PCDH15: variants seen among roughly 807,000 people sequenced by gnomAD.
The protein encoded by PCDH15 is protocadherin related 15, also known as protocadherin-15.
Under a neutral mutation model 178.5 loss-of-function variants are expected in PCDH15, and 129 were observed. The ratio of observed to expected loss-of-function variants is 0.72; its 90% CI spans 0.63 to 0.84. PCDH15 has a LOEUF of 0.84. PCDH15 is among the 40% of genes least tolerant of loss of function. The pLI is 0.00. For synonymous variants in PCDH15, 800 were observed against 732.0 expected, an observed-to-expected ratio of 1.09 and a Z score of -1.50; for missense variants, 2,230 against 2,099.9, an observed-to-expected ratio of 1.06 and a Z score of -1.21.
intron 26 of PCDH15, among the ~76,000 whole-genome samples, chr10:53,879,306 T>G (rs1189025868): frequency 6.6e-6 from 1 of 152,164 alleles, no homozygotes; most frequent in African/African-American, 2.4e-5. Context: ...TGATGTCTCT[T>G]TACTGAATGC....
At chr10:54,659,474 C>T (rs74642075) in intron 2 of PCDH15, among the ~76,000 whole-genome samples, 10,058 of 152,054 alleles carry the variant, frequency 0.066, 415 homozygotes, top group East Asian at 0.15. Context: ...ATATATCAGC[C>T]GGGTGCAGTG....
intron 1 of PCDH15, among the ~76,000 whole-genome samples, chr10:54,723,805 T>A (rs757667472): frequency 1.3e-5 from 2 of 151,662 alleles, no homozygotes; most frequent in African/African-American, 2.4e-5. Flanking sequence ...ACATCAGTAA[T>A]CATCAGAGAA....
At chr10:54,588,766 G>T (rs1398977130) in intron 2 of PCDH15, among the ~76,000 whole-genome samples, 1 of 152,004 alleles carries the variant, frequency 6.6e-6, no homozygotes, top group East Asian at 1.9e-4. Flanking sequence ...TAAAGACACG[G>T]TCTGACTATG....
chr10:55,290,291 T>G (rs1378276713), intron 1 of PCDH15, among the ~76,000 whole-genome samples: 2 of 151,984 alleles, frequency 1.3e-5, no homozygotes, highest in Non-Finnish European at 2.9e-5. Context: ...TTAGAGTAAT[T>G]AAATGTTTAA....
intron 20 of PCDH15, among the ~76,000 whole-genome samples, chr10:54,006,429 T>C (rs1476358735): frequency 2.6e-5 from 4 of 152,184 alleles, no homozygotes; most frequent in African/African-American, 7.2e-5. Context: ...ACAGAAATTA[T>C]CATTTATTCA....
intron 15 of PCDH15, among the ~76,000 whole-genome samples, chr10:54,102,499 C>G (rs2094830930): frequency 6.6e-6 from 1 of 152,212 alleles, no homozygotes; most frequent in Non-Finnish European, 1.5e-5. Flanking sequence ...TCTCCAAGAT[C>G]CATCTGTTTT....
At chr10:54,604,257 T>C (rs1249662812) in intron 2 of PCDH15, among the ~76,000 whole-genome samples, 3 of 151,968 alleles carry the variant, frequency 2.0e-5, no homozygotes, top group South Asian at 4.1e-4. Flanking sequence ...TCTTCTGTTG[T>C]TGGGTAAAAA....
rs946599188 is a variant in PCDH15 at position 53,891,809 on chromosome 10, A to T, written c.3501+11434T>A. Among the ~76,000 whole-genome samples the T allele has an allele frequency of 7.1e-3, 1,071 of 151,748 alleles. 9 individuals carry two copies. Among genetic ancestry groups the T allele is most frequent in the Non-Finnish European group, 0.012 (825 of 67,930 alleles). On this transcript the variant is annotated intron_variant, in intron 26 of 37. Transcript: ENST00000644397. ...CTTTACTAAAAATAAAAAAAAAAAA[A>T]AAATACAAAAAAGTTAGCTGGGTGT...
At chr10:54,304,557 T>C (rs551879892) in intron 8 of PCDH15, among the ~76,000 whole-genome samples, 2 of 152,102 alleles carry the variant, frequency 1.3e-5, no homozygotes, top group African/African-American at 4.8e-5. Flanking sequence ...GAGCAGCAGA[T>C]AGGCAGGAAT....
At chr10:54,733,237 T>C (rs1327852916) in intron 1 of PCDH15, among the ~76,000 whole-genome samples, 1 of 151,370 alleles carries the variant, frequency 6.6e-6, no homozygotes, top group Non-Finnish European at 1.5e-5. Flanking sequence ...ATCTGAAATC[T>C]CAAAAATGAA....
At chr10:54,450,339 A>G (rs978850172) in intron 3 of PCDH15, among the ~76,000 whole-genome samples, 1 of 151,330 alleles carries the variant, frequency 6.6e-6, no homozygotes, top group Admixed American at 6.6e-5. Context: ...GATTGGACCA[A>G]CTAATGAAAT....
At chr10:54,556,084 C>T (rs538620657) in intron 2 of PCDH15, among the ~76,000 whole-genome samples, 3 of 152,158 alleles carry the variant, frequency 2.0e-5, no homozygotes, top group Admixed American at 6.5e-5. Flanking sequence ...GCTGGGGTAC[C>T]CATTTATTTC....
chr10:55,521,916 GTA>G (rs1423464121), intron 2 of PCDH15, among the ~76,000 whole-genome samples: 1 of 151,882 alleles, frequency 6.6e-6, no homozygotes, highest in Non-Finnish European at 1.5e-5. Context: ...TCATGAGAGA[GTA>G]TCATGTGGCA....
chr10:55,448,258 AT>A (rs1839360305), intron 2 of PCDH15, among the ~76,000 whole-genome samples: 2 of 152,034 alleles, frequency 1.3e-5, no homozygotes, highest in Non-Finnish European at 2.9e-5. Flanking sequence ...ATGGAACTGC[AT>A]TTTTCACAAG....
At chr10:54,756,715 T>C (rs939832168) in intron 1 of PCDH15, among the ~76,000 whole-genome samples, 1 of 52,586 alleles carries the variant, frequency 1.9e-5, no homozygotes, top group South Asian at 6.2e-4. Flanking sequence ...TCTGTATGTA[T>C]GTGAAAGAGA....
intron 2 of PCDH15, among the ~76,000 whole-genome samples, chr10:54,916,748 T>G (rs1837346674): frequency 6.6e-6 from 1 of 152,198 alleles, no homozygotes; most frequent in Non-Finnish European, 1.5e-5. Context: ...TTATAAAAAT[T>G]AAGCTGGTAT....
At chr10:54,498,688 TGAA>T (rs895786016) in intron 3 of PCDH15, among the ~76,000 whole-genome samples, 1 of 152,002 alleles carries the variant, frequency 6.6e-6, no homozygotes, top group African/African-American at 2.4e-5. Context: ...AAAAAAAAGA[TGAA>T]GAAGTACATT....
At chr10:55,445,293 G>T (rs1839291049) in intron 2 of PCDH15, among the ~76,000 whole-genome samples, 1 of 151,750 alleles carries the variant, frequency 6.6e-6, no homozygotes, top group Non-Finnish European at 1.5e-5. Context: ...TGCATCCATG[G>T]TAAATAATCT....
intron 3 of PCDH15, among the ~76,000 whole-genome samples, chr10:54,874,596 A>T (rs1954104453): frequency 6.6e-6 from 1 of 152,194 alleles, no homozygotes; most frequent in Non-Finnish European, 1.5e-5. Flanking sequence ...CTGCACAGCG[A>T]AAGAAACTAC....
Sources: allele counts gnomAD v4.1 joint callset (sites outside exome capture counted in the v4.1 genomes callset), GRCh38; gene constraint gnomAD v4.1.1; transcripts MANE v1.5; gene names NCBI Gene and HGNC (gene_info 2026-07-23, HGNC 2026-07-21).